Variants in CDC73 observed in about 807,000 individuals in gnomAD.
CDC73 encodes the protein cell division cycle 73.
Under a neutral mutation model 83.7 loss-of-function variants are expected in CDC73, and 21 were observed. That is an observed-to-expected ratio of 0.25 (90% CI 0.18 to 0.36). The LOEUF (loss-of-function observed/expected upper bound fraction) is 0.36, where lower values mean the gene tolerates loss of function less well. Among genes scored for constraint, CDC73 ranks in the 10% least tolerant of loss-of-function variants. The pLI is 1.00. For synonymous variants in CDC73, 224 were observed against 212.9 expected (o/e 1.05, Z -0.45); for missense variants, 342 against 653.3 (o/e 0.52, Z 5.19).
At chr1:193,192,662 A>G (rs1676938766) in intron 10 of CDC73, among the ~76,000 whole-genome samples, 1 of 152,158 alleles carries the variant, frequency 6.6e-6, no homozygotes, top group African/African-American at 2.4e-5. Context: ...TGCACGATGG[A>G]TGAATAACGT....
At chr1:193,241,537 A>G (rs1472974152) in intron 15 of CDC73, among the ~76,000 whole-genome samples, 1 of 152,188 alleles carries the variant, frequency 6.6e-6, no homozygotes, top group Non-Finnish European at 1.5e-5. Flanking sequence ...GCAGTGGGCA[A>G]TGGCAGTAGC....
chr1:193,180,067 A>G (rs1676685476), intron 10 of CDC73: 1 of 358,802 alleles, frequency 2.8e-6, no homozygotes, highest in East Asian at 4.5e-5. Flanking sequence ...GTTAATACAC[A>G]GAATCTCCTT....
rs138693403 is a variant in CDC73 at position 193,145,556 on chromosome 1, A to T, written c.730-2311A>T. On this transcript the variant is annotated intron_variant, in intron 7 of 16. Transcript: ENST00000367435. ...GCATTTTGAAAAGTGATTTTTCATGAAATATGCTATTATGTTTACATGGAA... is the reference window on the plus strand; with the variant it reads ...GCATTTTGAAAAGTGATTTTTCATGTAATATGCTATTATGTTTACATGGAA... Among the ~76,000 whole-genome samples the T allele has an allele frequency of 6.6e-5, 10 of 152,304 alleles. No individual in the cohort carries two copies. In the East Asian group the frequency reaches 1.9e-3, roughly 29 times the overall value.
At chr1:193,155,363 A>G (rs139712980) in intron 10 of CDC73, among the ~76,000 whole-genome samples, 2 of 152,358 alleles carry the variant, frequency 1.3e-5, no homozygotes, top group Non-Finnish European at 2.9e-5. Context: ...AGGCCATGAA[A>G]TACGTTTCAC....
intron 13 of CDC73, among the ~76,000 whole-genome samples, chr1:193,229,855 G>GA (rs2102055124): frequency 6.6e-6 from 1 of 152,222 alleles, no homozygotes; most frequent in South Asian, 2.1e-4. Flanking sequence ...CCCAAAACAG[G>GA]AAAAACTAAT....
intron 10 of CDC73, among the ~76,000 whole-genome samples, chr1:193,155,019 G>A (rs1306304594): frequency 1.3e-5 from 2 of 152,188 alleles, no homozygotes; most frequent in Non-Finnish European, 2.9e-5. Context: ...CCTGGTTGAT[G>A]TACATAGTTA....
intron 14 of CDC73, among the ~76,000 whole-genome samples, chr1:193,236,014 T>TAA (rs1488123280): frequency 6.6e-6 from 1 of 152,214 alleles, no homozygotes; most frequent in Non-Finnish European, 1.5e-5. Context: ...GAATTATGTT[T>TAA]AAAAGACTTA....
Position 193,253,018 on chromosome 1 carries a change from A to G in CDC73, c.*2306A>G, listed in dbSNP as rs1678069020. ...AAATGAAGTATAAATTAATAACTTG[A>G]CTTACCCCTCCATAAGTTACTGCTA... On this transcript the variant is annotated 3_prime_UTR_variant, in exon 17 of 17. Transcript: ENST00000367435. 1 of 232,082 alleles carries G rather than the reference A, an allele frequency of 4.3e-6. No individual in the cohort carries two copies. The highest frequency in any genetic ancestry group is 8.5e-6 in the Non-Finnish European group (1 of 117,302). 14.4% of individuals were successfully genotyped at this position (232,082 alleles called of 1,614,324 possible). A position where few individuals can be genotyped will look rare whatever the true frequency, so the allele number is the denominator to read the frequency against.
At chr1:193,180,319 C>T (rs754618212) in intron 10 of CDC73, 1 of 1,586,806 alleles carries the variant, frequency 6.3e-7, no homozygotes, top group Non-Finnish European at 8.6e-7. Flanking sequence ...GTGGCGATAC[C>T]TGCCTGCCTT....
chr1:193,248,131 A>G (rs1393584288), intron 15 of CDC73, among the ~76,000 whole-genome samples: 1 of 152,064 alleles, frequency 6.6e-6, no homozygotes, highest in East Asian at 1.9e-4. Context: ...GTTAGGGGCT[A>G]ATACAGATGG....
At chr1:193,202,393 C>A (rs1040648742) in intron 10 of CDC73, among the ~76,000 whole-genome samples, 1 of 151,132 alleles carries the variant, frequency 6.6e-6, no homozygotes, top group Admixed American at 6.7e-5. Flanking sequence ...TGCTCTCCAC[C>A]TTATGACTCA....
At chr1:193,185,214 T>C (rs1676785083) in intron 10 of CDC73, among the ~76,000 whole-genome samples, 1 of 152,098 alleles carries the variant, frequency 6.6e-6, no homozygotes. Context: ...GAAATGATAA[T>C]CAGAGACAAC....
chr1:193,184,733 A>G (rs1676776466), intron 10 of CDC73, among the ~76,000 whole-genome samples: 1 of 151,982 alleles, frequency 6.6e-6, no homozygotes, highest in Non-Finnish European at 1.5e-5. Flanking sequence ...TGAAATTTTT[A>G]CAACCATATT....
intron 13 of CDC73, among the ~76,000 whole-genome samples, chr1:193,213,275 A>T (rs1369069418): frequency 6.6e-6 from 1 of 152,214 alleles, no homozygotes; most frequent in Non-Finnish European, 1.5e-5. Context: ...TGATATAGAC[A>T]TTAACAAGGT....
intron 15 of CDC73, among the ~76,000 whole-genome samples, chr1:193,237,361 G>A (rs1471636744): frequency 2.0e-5 from 3 of 152,082 alleles, no homozygotes; most frequent in African/African-American, 4.8e-5. Flanking sequence ...CTGACTGTAG[G>A]AAATTGGTCA....
chr1:193,185,852 A>AAGC (rs1259872140), intron 10 of CDC73, among the ~76,000 whole-genome samples: 1 of 152,200 alleles, frequency 6.6e-6, no homozygotes, highest in Admixed American at 6.5e-5. Flanking sequence ...AAGCAGTGAC[A>AAGC]GCTTGTCTTC....
chr1:193,137,607 C>T (rs1395164374), intron 5 of CDC73, among the ~76,000 whole-genome samples: 1 of 152,124 alleles, frequency 6.6e-6, no homozygotes, highest in Admixed American at 6.5e-5. Flanking sequence ...TTCTAACGTT[C>T]TAATGACCAT....
chr1:193,233,217 T>TA, intron 14 of CDC73, 63 bp downstream of exon 14: 1 of 1,450,900 alleles, frequency 6.9e-7, no homozygotes, highest in Non-Finnish European at 9.7e-7. Flanking sequence ...TGAATGTTGT[T>TA]ATTGCCGTTG....
intron 10 of CDC73, chr1:193,186,430 A>G (rs560631288): frequency 6.5e-6 from 1 of 152,692 alleles, no homozygotes; most frequent in South Asian, 2.1e-4. Context: ...GCTGCAATGT[A>G]AAGCAGCCAG....
Sources: gnomAD v4.1 joint callset for allele counts (sites outside exome capture counted in the v4.1 genomes callset) on GRCh38, gnomAD v4.1.1 for gene constraint, MANE v1.5 for transcripts, NCBI Gene and HGNC (gene_info 2026-07-23, HGNC 2026-07-21) for gene names.